The following DLG2 variants were observed in gnomAD, a reference collection of about 807,000 sequenced individuals.
The protein encoded by DLG2 is disks large homolog 2.
Under a neutral mutation model 132.5 loss-of-function variants are expected in DLG2, and 45 were observed. The ratio of observed to expected loss-of-function variants is 0.34; its 90% CI spans 0.27 to 0.44. DLG2 has a LOEUF of 0.44. DLG2 is among the 20% of genes least tolerant of loss of function. DLG2 has a pLI of 1.00. For synonymous variants in DLG2, 424 were observed against 419.6 expected (o/e 1.01, Z -0.13); for missense variants, 1,045 against 1,196.9 (o/e 0.87, Z 1.87).
intron 7 of DLG2, among the ~76,000 whole-genome samples, chr11:84,467,713 A>T (rs1394703055): frequency 4.0e-5 from 6 of 151,446 alleles, no homozygotes; most frequent in African/African-American, 9.7e-5. Context: ...GGGGAATTTG[A>T]ATAGGGACTA....
intron 6 of DLG2, among the ~76,000 whole-genome samples, chr11:84,565,962 T>A: frequency 6.7e-6 from 1 of 148,978 alleles, no homozygotes; most frequent in Non-Finnish European, 1.5e-5. Flanking sequence ...ATGATGAAGT[T>A]TTTTTTTTTT....
chr11:83,950,075 G>T (rs2154146267), intron 14 of DLG2, among the ~76,000 whole-genome samples: 1 of 152,200 alleles, frequency 6.6e-6, no homozygotes, highest in Middle Eastern at 3.4e-3. Context: ...TCAGCCTTGG[G>T]TTAGTCAACA....
At chr11:84,071,077 GTTAA>G (rs1225368328) in intron 10 of DLG2, among the ~76,000 whole-genome samples, 1 of 151,656 alleles carries the variant, frequency 6.6e-6, no homozygotes, top group Non-Finnish European at 1.5e-5. Flanking sequence ...TTCATTTTTA[GTTAA>G]TTAATTACTT....
At chr11:85,484,882 G>A (rs962805043) in intron 3 of DLG2, among the ~76,000 whole-genome samples, 1 of 151,376 alleles carries the variant, frequency 6.6e-6, no homozygotes, top group African/African-American at 2.4e-5. Context: ...AAATCATGCT[G>A]CTATAAAGAC....
chr11:83,907,029 G>C (rs2154106461), intron 15 of DLG2, among the ~76,000 whole-genome samples: 1 of 152,260 alleles, frequency 6.6e-6, no homozygotes. Flanking sequence ...GGTCTGCAGA[G>C]GAAGAATCAG....
At chr11:85,599,701 C>G (rs1286513111) in intron 2 of DLG2, among the ~76,000 whole-genome samples, 1 of 152,210 alleles carries the variant, frequency 6.6e-6, no homozygotes, top group Non-Finnish European at 1.5e-5. Context: ...CTCAAATGCT[C>G]TCTCTTCCAT....
intron 12 of DLG2, among the ~76,000 whole-genome samples, chr11:83,968,024 T>C (rs943879853): frequency 1.3e-5 from 2 of 152,190 alleles, no homozygotes; most frequent in African/African-American, 2.4e-5. Flanking sequence ...TAGTTGACCA[T>C]ATATGTTTGA....
intron 6 of DLG2, among the ~76,000 whole-genome samples, chr11:85,093,074 G>A (rs568694288): frequency 2.6e-5 from 4 of 152,126 alleles, no homozygotes; most frequent in East Asian, 1.9e-4. Context: ...ATTGATTTTC[G>A]ACTGTGGGGT....
intron 6 of DLG2, among the ~76,000 whole-genome samples, chr11:84,995,780 C>G (rs1049522063): frequency 9.2e-5 from 14 of 151,858 alleles, no homozygotes; most frequent in African/African-American, 3.4e-4. Flanking sequence ...ATTATGGAAG[C>G]CTAGGACAGG....
intron 18 of DLG2, among the ~76,000 whole-genome samples, chr11:83,690,836 T>A (rs897085151): frequency 1.3e-5 from 2 of 152,194 alleles, no homozygotes; most frequent in African/African-American, 4.8e-5. Flanking sequence ...AACTTTTATA[T>A]AAAAGTTACA....
intron 7 of DLG2, among the ~76,000 whole-genome samples, chr11:84,302,536 T>C (rs1341469690): frequency 6.6e-6 from 1 of 152,140 alleles, no homozygotes; most frequent in Non-Finnish European, 1.5e-5. Context: ...TCAATAAAAT[T>C]TGTATCTTTC....
At chr11:84,339,901 G>T (rs896156927) in intron 7 of DLG2, among the ~76,000 whole-genome samples, 1 of 152,024 alleles carries the variant, frequency 6.6e-6, no homozygotes, top group Admixed American at 6.6e-5. Flanking sequence ...TAATCATGAC[G>T]ACTTTAATTT....
At chr11:84,827,503 C>A (rs1248383971) in intron 6 of DLG2, among the ~76,000 whole-genome samples, 1 of 151,190 alleles carries the variant, frequency 6.6e-6, no homozygotes, top group Non-Finnish European at 1.5e-5. Flanking sequence ...ATTGATTGAT[C>A]AAAGTAGAAT....
intron 3 of DLG2, among the ~76,000 whole-genome samples, chr11:85,350,543 T>A (rs2083206971): frequency 6.6e-6 from 1 of 152,210 alleles, no homozygotes; most frequent in South Asian, 2.1e-4. Flanking sequence ...TGGTTTTAGG[T>A]CTAACATTTA....
At chr11:84,814,964 G>A (rs1351649182) in intron 6 of DLG2, among the ~76,000 whole-genome samples, 2 of 152,074 alleles carry the variant, frequency 1.3e-5, no homozygotes, top group African/African-American at 4.8e-5. Flanking sequence ...CTTTCTGGGA[G>A]ACATGTAGAG....
intron 6 of DLG2, among the ~76,000 whole-genome samples, chr11:84,599,696 C>T (rs988286468): frequency 1.3e-5 from 2 of 152,006 alleles, no homozygotes; most frequent in African/African-American, 4.8e-5. Flanking sequence ...TACTCTGAGG[C>T]CAATTTAGCT....
chr11:84,805,341 T>C (rs1366650012), intron 6 of DLG2, among the ~76,000 whole-genome samples: 1 of 151,840 alleles, frequency 6.6e-6, no homozygotes, highest in Non-Finnish European at 1.5e-5. Context: ...CAGAATTACA[T>C]AGAAAATCAG....
chr11:84,218,703 C>G (rs902538565), intron 8 of DLG2, among the ~76,000 whole-genome samples: 1 of 152,104 alleles, frequency 6.6e-6, no homozygotes, highest in African/African-American at 2.4e-5. Flanking sequence ...ATTAGACCAG[C>G]GATTTTCTAC....
At chr11:85,196,858 G>A (rs1382195894) in intron 4 of DLG2, among the ~76,000 whole-genome samples, 6 of 152,122 alleles carry the variant, frequency 3.9e-5, no homozygotes, top group East Asian at 1.9e-4. Context: ...AAGTCTTCAC[G>A]CACATGCAGT....
Sources: gnomAD v4.1 joint callset for allele counts (sites outside exome capture counted in the v4.1 genomes callset) on GRCh38, gnomAD v4.1.1 for gene constraint, MANE v1.5 for transcripts, NCBI Gene and HGNC (gene_info 2026-07-23, HGNC 2026-07-21) for gene names.